The following PLXDC2 variants were observed in gnomAD, a reference collection of about 807,000 sequenced individuals.
The protein encoded by PLXDC2 is plexin domain containing 2.
In PLXDC2, 40 loss-of-function variants were observed where a neutral mutation model predicts 68.9. The observed-to-expected ratio is 0.58, with a 90% CI of 0.45 to 0.76. PLXDC2 has a LOEUF of 0.76. PLXDC2 is among the 30% of genes least tolerant of loss of function. PLXDC2 has a pLI of 0.00. For synonymous variants in PLXDC2, 243 were observed against 234.2 expected, an observed-to-expected ratio of 1.04 and a Z score of -0.34; for missense variants, 644 against 661.9, an observed-to-expected ratio of 0.97 and a Z score of 0.30.
intron 1 of PLXDC2, among the ~76,000 whole-genome samples, chr10:19,983,228 C>G (rs1390606979): frequency 6.6e-6 from 1 of 152,116 alleles, no homozygotes; most frequent in Non-Finnish European, 1.5e-5. Context: ...GCAATCAGGT[C>G]TGCAGTGAGT....
chr10:20,194,016 G>C (rs11011854), intron 9 of PLXDC2, among the ~76,000 whole-genome samples: 70,763 of 151,716 alleles, frequency 0.47, 16,672 homozygotes, highest in Middle Eastern at 0.56. Context: ...ACCTGAGCTT[G>C]GTGCAATCTT....
At chr10:20,279,494 A>G (rs1359942220) in intron 13 of PLXDC2, among the ~76,000 whole-genome samples, 1 of 152,166 alleles carries the variant, frequency 6.6e-6, no homozygotes. Flanking sequence ...TTCCTGTGAC[A>G]GGGGTAGATA....
At chr10:20,120,552 G>C (rs1188240289) in intron 4 of PLXDC2, among the ~76,000 whole-genome samples, 256 of 141,068 alleles carry the variant, frequency 1.8e-3, no homozygotes, top group Middle Eastern at 3.5e-3. Context: ...TCTGACAGAA[G>C]GGAAGAAATG....
intron 1 of PLXDC2, among the ~76,000 whole-genome samples, chr10:19,836,495 A>G (rs1014155666): frequency 1.3e-5 from 2 of 152,188 alleles, no homozygotes; most frequent in African/African-American, 2.4e-5. Flanking sequence ...TAAGGCTTAG[A>G]TGATATCACG....
At chr10:20,053,282 T>G (rs1325582281) in intron 3 of PLXDC2, among the ~76,000 whole-genome samples, 1 of 152,136 alleles carries the variant, frequency 6.6e-6, no homozygotes, top group African/African-American at 2.4e-5. Context: ...TAACATTTCT[T>G]AAATCATTGC....
At chr10:20,257,619 G>T (rs1835758300) in intron 13 of PLXDC2, among the ~76,000 whole-genome samples, 1 of 152,138 alleles carries the variant, frequency 6.6e-6, no homozygotes, top group African/African-American at 2.4e-5. Flanking sequence ...CAAGGCTCAG[G>T]TTTACCTTTA....
intron 12 of PLXDC2, among the ~76,000 whole-genome samples, chr10:20,226,539 G>T (rs1199146136): frequency 6.6e-6 from 1 of 152,132 alleles, no homozygotes; most frequent in African/African-American, 2.4e-5. Context: ...CAATTTCGTT[G>T]TTCAGCCTAA....
intron 1 of PLXDC2, among the ~76,000 whole-genome samples, chr10:19,925,605 T>G (rs1833527500): frequency 6.6e-6 from 1 of 152,204 alleles, no homozygotes; most frequent in Non-Finnish European, 1.5e-5. Flanking sequence ...CCTTTCCATT[T>G]TTTCCTATTG....
intron 1 of PLXDC2, among the ~76,000 whole-genome samples, chr10:19,990,287 C>T (rs1227667953): frequency 6.6e-6 from 1 of 152,034 alleles, no homozygotes; most frequent in African/African-American, 2.4e-5. Context: ...ATTTGTTGTC[C>T]TATATGAAAG....
chr10:20,238,696 C>CACATATATATGTGTATATATAT (rs1835473151), intron 12 of PLXDC2, among the ~76,000 whole-genome samples: 1 of 113,256 alleles, frequency 8.8e-6, no homozygotes, highest in Non-Finnish European at 1.8e-5. Context: ...TATATATACA[C>CACATATATATGTGTATATATAT]ACATATATAT....
At chr10:19,863,398 G>A (rs1278596530) in intron 1 of PLXDC2, among the ~76,000 whole-genome samples, 1 of 152,150 alleles carries the variant, frequency 6.6e-6, no homozygotes, top group Non-Finnish European at 1.5e-5. Context: ...AGAGCATTTT[G>A]CATTTGACTC....
chr10:20,072,113 G>A lies in PLXDC2; in HGVS notation c.541+3874G>A, dbSNP rs145358836. On this transcript the variant is annotated intron_variant, in intron 4 of 13. Transcript: ENST00000377252. Reference sequence around the variant, plus strand: ...TGTAATCTCAGCACTTTAGGAGGCCGAGGTGGGCGGATCACCTGAGGTCCA... The same window carrying A: ...TGTAATCTCAGCACTTTAGGAGGCCAAGGTGGGCGGATCACCTGAGGTCCA... Among the ~76,000 whole-genome samples, 434 of 152,082 alleles carry A rather than the reference G, an allele frequency of 2.9e-3. 3 individuals are homozygous for A. The highest frequency in any genetic ancestry group is 9.2e-3 in the African/African-American group (383 of 41,466).
intron 4 of PLXDC2, among the ~76,000 whole-genome samples, chr10:20,092,825 C>A (rs182051870): frequency 1.3e-5 from 2 of 151,982 alleles, no homozygotes; most frequent in African/African-American, 4.8e-5. Flanking sequence ...CAAGAGGAAG[C>A]AATGCAACCA....
intron 13 of PLXDC2, among the ~76,000 whole-genome samples, chr10:20,258,703 C>T (rs1268112279): frequency 6.6e-6 from 1 of 152,010 alleles, no homozygotes; most frequent in African/African-American, 2.4e-5. Context: ...GTTTTCCTAA[C>T]ATAGAAAGGA....
At chr10:20,123,684 C>T (rs10827969) in intron 4 of PLXDC2, among the ~76,000 whole-genome samples, 41,854 of 150,844 alleles carry the variant, frequency 0.28, 6,087 homozygotes, top group East Asian at 0.49. Context: ...AGTAGAGACA[C>T]GGAGGGAAGG....
At chr10:20,074,005 A>C (rs1836389431) in intron 4 of PLXDC2, among the ~76,000 whole-genome samples, 1 of 152,148 alleles carries the variant, frequency 6.6e-6, no homozygotes, top group South Asian at 2.1e-4. Context: ...ACTTTATGTA[A>C]AGGGGAAGAG....
intron 1 of PLXDC2, among the ~76,000 whole-genome samples, chr10:19,945,750 C>G (rs756724304): frequency 2.5e-4 from 38 of 152,216 alleles, no homozygotes; most frequent in Non-Finnish European, 5.0e-4. Flanking sequence ...TGGATAGCAG[C>G]GAATTAACTG....
intron 2 of PLXDC2, 151 bp downstream of exon 2, chr10:20,002,137 T>C (rs1406114021): frequency 1.3e-6 from 1 of 788,574 alleles, no homozygotes; most frequent in African/African-American, 1.8e-5. Context: ...ATAAATATAA[T>C]AACTAAGCCA....
intron 1 of PLXDC2, among the ~76,000 whole-genome samples, chr10:19,920,455 G>A (rs550513993): frequency 6.6e-6 from 1 of 152,352 alleles, no homozygotes; most frequent in South Asian, 2.1e-4. Flanking sequence ...CTCCACTGAG[G>A]ATGGATGGTG....
Sources: allele counts gnomAD v4.1 joint callset (sites outside exome capture counted in the v4.1 genomes callset), GRCh38; gene constraint gnomAD v4.1.1; transcripts MANE v1.5; gene names NCBI Gene and HGNC (gene_info 2026-07-23, HGNC 2026-07-21).